ADGRL2: variants seen among roughly 807,000 people sequenced by gnomAD.
ADGRL2 encodes the protein adhesion G protein-coupled receptor L2, also known as calcium-independent alpha-latrotoxin receptor 2.
Under a neutral mutation model 157.4 loss-of-function variants are expected in ADGRL2, and 44 were observed. That is an observed-to-expected ratio of 0.28 (90% confidence interval 0.22 to 0.36). ADGRL2 has a LOEUF of 0.36. Among genes scored for constraint, ADGRL2 ranks in the 10% least tolerant of loss-of-function variants. ADGRL2 has a pLI of 1.00. For synonymous variants in ADGRL2, 585 were observed against 624.7 expected, an observed-to-expected ratio of 0.94 and a Z score of 0.95; for missense variants, 1,510 against 1,768.9, an observed-to-expected ratio of 0.85 and a Z score of 2.63.
At position 81,725,340 on chromosome 1, in the gene ADGRL2, C is replaced by G. The variant is rs570411526; in HGVS notation, c.-143+25532C>G. Among the ~76,000 whole-genome samples the G allele has an allele frequency of 2.3e-3, 346 of 151,838 alleles. 1 individual carries two copies. Among genetic ancestry groups the G allele is most frequent in the African/African-American group, 7.9e-3 (329 of 41,410 alleles). On this transcript the variant is annotated intron_variant, in intron 1 of 20. Coordinates refer to the ADGRL2 transcript ENST00000359929. ...AGATCACAAGGTCAGGAATTTGAGACCAGTCTGGCCAACATAGTGAAACCC... is the reference window on the plus strand; with the variant it reads ...AGATCACAAGGTCAGGAATTTGAGAGCAGTCTGGCCAACATAGTGAAACCC...
intron 3 of ADGRL2, among the ~76,000 whole-genome samples, chr1:81,671,072 A>G (rs577466142): frequency 6.6e-6 from 1 of 152,286 alleles, no homozygotes; most frequent in African/African-American, 2.4e-5. Flanking sequence ...CAAGAGTGCA[A>G]ACGGAGGCCC....
rs1661526255 is a variant in ADGRL2 at position 81,981,055 on chromosome 1, T to G, written c.3114-753T>G. The G allele has an allele frequency of 2.3e-5, 10 of 432,370 alleles. No individual in the cohort carries two copies. In the South Asian group the frequency reaches 3.3e-4, roughly 14 times the overall value. 26.8% of individuals were successfully genotyped at this position (432,370 alleles called of 1,614,324 possible). On this transcript the variant is annotated intron_variant, in intron 18 of 23. Coordinates refer to ENST00000686636, the MANE Select transcript of ADGRL2 (RefSeq NM_001366006.2). ...TAATTTATAAAATATATAAATGCTT[T>G]CTTATTACTTTCTATTTTAATTCTG...
chr1:81,588,421 T>C (rs983620291), intron 3 of ADGRL2: 2 of 152,280 alleles, frequency 1.3e-5, no homozygotes, highest in Non-Finnish European at 2.9e-5. Flanking sequence ...TTCAGGATTC[T>C]GGTTAGTCAC....
chr1:81,896,906 C>T (rs371762062), intron 2 of ADGRL2, among the ~76,000 whole-genome samples: 3 of 152,036 alleles, frequency 2.0e-5, no homozygotes, highest in Admixed American at 1.3e-4. Context: ...TAAAGAACAC[C>T]GTAAATTGGT....
At chr1:81,799,153 G>T (rs1452259400), upstream of ADGRL2, among the ~76,000 whole-genome samples, 1 of 152,128 alleles carries the variant, frequency 6.6e-6, no homozygotes, top group Admixed American at 6.5e-5. Context: ...TAGATCTGTT[G>T]TATGTATGTA....
At chr1:81,392,584 A>G (rs1163326019) in intron 1 of ADGRL2, among the ~76,000 whole-genome samples, 1 of 152,150 alleles carries the variant, frequency 6.6e-6, no homozygotes, top group African/African-American at 2.4e-5. Context: ...TCCATTAGAT[A>G]AGCAGAAAAT....
intron 1 of ADGRL2, among the ~76,000 whole-genome samples, chr1:81,366,643 A>C (rs549485890): frequency 1.3e-5 from 2 of 152,208 alleles, no homozygotes; most frequent in Non-Finnish European, 2.9e-5. Context: ...TGTCTTGGCC[A>C]GAATTTCACA....
chr1:81,747,391 C>T (rs1205990009), intron 1 of ADGRL2, among the ~76,000 whole-genome samples: 1 of 151,304 alleles, frequency 6.6e-6, no homozygotes, highest in Non-Finnish European at 1.5e-5. Context: ...ACCTCTGCCT[C>T]CCAGGTTCAA....
At chr1:81,380,770 T>C (rs1256438715) in intron 1 of ADGRL2, among the ~76,000 whole-genome samples, 1 of 152,212 alleles carries the variant, frequency 6.6e-6, no homozygotes, top group Non-Finnish European at 1.5e-5. Flanking sequence ...TATAACCTTA[T>C]AATGTATTTG....
chr1:81,409,307 A>G (rs1557667436), intron 1 of ADGRL2, among the ~76,000 whole-genome samples: 1 of 152,164 alleles, frequency 6.6e-6, no homozygotes, highest in Non-Finnish European at 1.5e-5. Context: ...ACACATTTGT[A>G]CCAGTTAGCA....
chr1:81,309,842 A>G (rs1175025590), intron 1 of ADGRL2, among the ~76,000 whole-genome samples: 2 of 152,120 alleles, frequency 1.3e-5, no homozygotes, highest in African/African-American at 4.8e-5. Flanking sequence ...ATCTCTTTAT[A>G]TGTTTAAAAT....
chr1:81,348,134 G>A (rs1478191075), intron 1 of ADGRL2, among the ~76,000 whole-genome samples: 1 of 152,148 alleles, frequency 6.6e-6, no homozygotes, highest in Non-Finnish European at 1.5e-5. Flanking sequence ...GCAGAGCCAT[G>A]GGGTGATGTT....
At chr1:81,855,627 C>A (rs1406379915) in intron 2 of ADGRL2, among the ~76,000 whole-genome samples, 2 of 151,562 alleles carry the variant, frequency 1.3e-5, no homozygotes, top group Non-Finnish European at 1.5e-5. Context: ...AATATGTTGT[C>A]AATTGAGCTG....
At chr1:81,676,666 A>G (rs985576146) in intron 3 of ADGRL2, among the ~76,000 whole-genome samples, 2 of 151,900 alleles carry the variant, frequency 1.3e-5, no homozygotes, top group African/African-American at 2.4e-5. Context: ...AAATGTGTAC[A>G]GAACTCACTG....
At chr1:81,589,882 G>A (rs1466834390) in intron 3 of ADGRL2, among the ~76,000 whole-genome samples, 1 of 152,092 alleles carries the variant, frequency 6.6e-6, no homozygotes, top group East Asian at 1.9e-4. Flanking sequence ...TCAAGGACTA[G>A]AAAAATGATC....
At chr1:81,864,643 T>G (rs1367152657) in intron 2 of ADGRL2, among the ~76,000 whole-genome samples, 1 of 152,170 alleles carries the variant, frequency 6.6e-6, no homozygotes, top group Non-Finnish European at 1.5e-5. Flanking sequence ...TCCTTGGATT[T>G]GATTTTTCTG....
chr1:81,951,991 A>T lies in ADGRL2; in HGVS notation c.1643A>T (p.Asn548Ile). 6.2e-7 allele frequency: 1 copy of T among 1,610,904 alleles called. No individual in the cohort carries two copies. Among genetic ancestry groups the T allele is most frequent in the Non-Finnish European group, 8.5e-7 (1 of 1,178,204 alleles). ...GGAGAAAATGCTGCTAGTCTTGCCA[A>T]TGAACTGGCTAAACATACCAAAGGG... The part of the protein sequence containing the change: ...RSGENAASLA[N>I]ELAKHTKGPV... The change falls in exon 9 of 24, where the codon AAT (asparagine) becomes ATT (isoleucine). Residue 548 changes from asparagine (N) to isoleucine (I), a missense_variant. By Grantham distance (149) the Asn-to-Ile change is moderately radical. Transcript: ENST00000686636.
intron 11 of ADGRL2, among the ~76,000 whole-genome samples, chr1:81,958,756 G>A (rs1028621099): frequency 3.3e-5 from 5 of 152,082 alleles, no homozygotes; most frequent in African/African-American, 1.2e-4. Flanking sequence ...CCTCAGATGG[G>A]CCCTTCATGC....
chr1:81,640,632 A>AAAATAAATAAAT (rs3045494), intron 3 of ADGRL2, among the ~76,000 whole-genome samples: 21,318 of 139,446 alleles, frequency 0.15, 1,792 homozygotes, highest in Middle Eastern at 0.17. Flanking sequence ...CTCCATCTCA[A>AAAATAAATAAAT]AAATAAATAA....
Sources: gnomAD v4.1 joint callset for allele counts (sites outside exome capture counted in the v4.1 genomes callset) on GRCh38, gnomAD v4.1.1 for gene constraint, MANE v1.5 for transcripts, NCBI Gene and HGNC (gene_info 2026-07-23, HGNC 2026-07-21) for gene names.